PAFAH1B1: variants seen among roughly 807,000 people sequenced by gnomAD.
PAFAH1B1 encodes platelet activating factor acetylhydrolase 1b regulatory subunit 1.
PAFAH1B1 carries 2 observed loss-of-function variants against 57.5 expected under a neutral mutation model. The ratio of observed to expected loss-of-function variants is 0.03; its 90% CI spans 0.01 to 0.11. The LOEUF (loss-of-function observed/expected upper bound fraction) is 0.11. Among genes scored for constraint, PAFAH1B1 ranks in the 10% least tolerant of loss-of-function variants. The pLI is 1.00. For synonymous variants in PAFAH1B1, 152 were observed against 169.6 expected, an observed-to-expected ratio of 0.90 and a Z score of 0.81; for missense variants, 257 against 512.0, an observed-to-expected ratio of 0.50 and a Z score of 4.81.
intron 2 of PAFAH1B1, among the ~76,000 whole-genome samples, chr17:2,662,419 T>C (rs1050608379): frequency 4.8e-4 from 71 of 147,850 alleles, no homozygotes; most frequent in African/African-American, 1.7e-3. Flanking sequence ...TGTGTGTGTG[T>C]GTGTGACGGA....
intron 1 of PAFAH1B1, among the ~76,000 whole-genome samples, chr17:2,632,139 G>A (rs1032978283): frequency 6.6e-6 from 1 of 152,154 alleles, no homozygotes; most frequent in Non-Finnish European, 1.5e-5. Flanking sequence ...GTGTTGCTCA[G>A]GCTGGTCTTG....
intron 2 of PAFAH1B1, among the ~76,000 whole-genome samples, chr17:2,652,136 A>G (rs867630387): frequency 4.3e-5 from 6 of 140,798 alleles, no homozygotes; most frequent in South Asian, 4.8e-4. Context: ...TCTAGGCCAG[A>G]CACAGTGGCT....
chr17:2,642,137 T>C (rs2068703164), intron 2 of PAFAH1B1: 1 of 152,244 alleles, frequency 6.6e-6, no homozygotes, highest in African/African-American at 2.4e-5. Flanking sequence ...CAGAATTCTT[T>C]ATCTTCTCTC....
intron 1 of PAFAH1B1, among the ~76,000 whole-genome samples, chr17:2,604,417 ATAC>A (rs2068182165): frequency 6.6e-6 from 1 of 152,166 alleles, no homozygotes; most frequent in Non-Finnish European, 1.5e-5. Context: ...TTGTTATGGT[ATAC>A]CTTGTATGTG....
At chr17:2,628,786 G>C (rs2068522841) in intron 1 of PAFAH1B1, among the ~76,000 whole-genome samples, 3 of 152,198 alleles carry the variant, frequency 2.0e-5, no homozygotes, top group South Asian at 2.1e-4. Flanking sequence ...GGTCTGTTCA[G>C]CGTATCTAAT....
intron 1 of PAFAH1B1, among the ~76,000 whole-genome samples, chr17:2,613,116 T>C (rs1043831047): frequency 1.2e-5 from 1 of 81,372 alleles, no homozygotes; most frequent in Admixed American, 1.1e-4. Context: ...ACCATATCTT[T>C]TTCTTTCTTT....
chr17:2,619,164 T>C (rs1273015678), intron 1 of PAFAH1B1, among the ~76,000 whole-genome samples: 10 of 152,014 alleles, frequency 6.6e-5, no homozygotes, highest in Non-Finnish European at 1.5e-4. Context: ...CTTTATTTAT[T>C]TTTGAGACAG....
intron 1 of PAFAH1B1, among the ~76,000 whole-genome samples, chr17:2,600,884 C>T (rs989291286): frequency 2.0e-5 from 3 of 151,894 alleles, no homozygotes; most frequent in Admixed American, 6.6e-5. Flanking sequence ...AGGCATGTGC[C>T]ACCACACCTG....
At chr17:2,593,482 C>T (rs1265906109), upstream of PAFAH1B1, among the ~76,000 whole-genome samples, 1 of 151,798 alleles carries the variant, frequency 6.6e-6, no homozygotes. Flanking sequence ...CGCTCAGCCG[C>T]CCGCCCGCTA....
chr17:2,676,470 T>G, intron 8 of PAFAH1B1, 35 bp from the exon 9 acceptor site: 1 of 1,291,094 alleles, frequency 7.7e-7, no homozygotes, highest in Non-Finnish European at 1.1e-6. Context: ...TAACTTCTTG[T>G]GTGGGAAACT....
chr17:2,631,911 T>C (rs1235317983), intron 1 of PAFAH1B1, among the ~76,000 whole-genome samples: 1 of 152,188 alleles, frequency 6.6e-6, no homozygotes, highest in Non-Finnish European at 1.5e-5. Context: ...TGTTTTATTA[T>C]GGAAAATGTC....
intron 8 of PAFAH1B1, among the ~76,000 whole-genome samples, chr17:2,675,447 A>T (rs2069247291): frequency 6.6e-6 from 1 of 151,934 alleles, no homozygotes; most frequent in Non-Finnish European, 1.5e-5. Context: ...CTTTATTTTG[A>T]TTGGCCCATT....
At chr17:2,630,969 C>T (rs912316285) in intron 1 of PAFAH1B1, among the ~76,000 whole-genome samples, 9 of 152,192 alleles carry the variant, frequency 5.9e-5, no homozygotes, top group Non-Finnish European at 8.8e-5. Context: ...AGGCTGGGCG[C>T]GGTGGCCCAC....
At chr17:2,610,427 G>T (rs1259201715) in intron 1 of PAFAH1B1, among the ~76,000 whole-genome samples, 1 of 152,170 alleles carries the variant, frequency 6.6e-6, no homozygotes, top group Non-Finnish European at 1.5e-5. Flanking sequence ...GAACCAGCAG[G>T]AGAGAAAAAC....
At chr17:2,673,307 T>G (rs1272297764) in intron 7 of PAFAH1B1, among the ~76,000 whole-genome samples, 2 of 152,130 alleles carry the variant, frequency 1.3e-5, no homozygotes, top group Non-Finnish European at 2.9e-5. Flanking sequence ...CTCTGTGGTC[T>G]TCTTTTAGGT....
At chr17:2,670,624 T>C (rs2069168727) in intron 6 of PAFAH1B1, among the ~76,000 whole-genome samples, 1 of 152,222 alleles carries the variant, frequency 6.6e-6, no homozygotes, top group African/African-American at 2.4e-5. Context: ...GTTTTGTTTG[T>C]GTTTTAATTT....
intron 4 of PAFAH1B1, 92 bp downstream of exon 4, chr17:2,666,182 C>G: frequency 8.8e-7 from 1 of 1,133,736 alleles, no homozygotes; most frequent in Non-Finnish European, 1.2e-6. Flanking sequence ...ATAATTGCAT[C>G]TAATCTTTAA....
intron 1 of PAFAH1B1, among the ~76,000 whole-genome samples, chr17:2,609,129 C>G (rs772151372): frequency 9.9e-5 from 15 of 152,192 alleles, no homozygotes; most frequent in Non-Finnish European, 1.8e-4. Context: ...CCACATTTTC[C>G]CATGACAGCA....
chr17:2,648,115 C>T (rs1050455941), intron 2 of PAFAH1B1, among the ~76,000 whole-genome samples: 4 of 152,276 alleles, frequency 2.6e-5, no homozygotes, highest in Middle Eastern at 3.4e-3. Context: ...AAGCACACGT[C>T]GTCCTTCACA....
Sources: allele counts gnomAD v4.1 joint callset (sites outside exome capture counted in the v4.1 genomes callset), GRCh38; gene constraint gnomAD v4.1.1; transcripts MANE v1.5; gene names NCBI Gene and HGNC (gene_info 2026-07-23, HGNC 2026-07-21).